Variants in EIF4E1B observed in about 807,000 individuals in gnomAD.
The protein encoded by EIF4E1B is eukaryotic translation initiation factor 4E type 1B.
In EIF4E1B, 22 loss-of-function variants were observed where a neutral mutation model predicts 31.3. The observed-to-expected ratio is 0.70, with a 90% CI of 0.50 to 1.00. EIF4E1B has a LOEUF of 1.00. Among genes scored for constraint, EIF4E1B ranks in the 50% least tolerant of loss-of-function variants. The pLI is 0.00. For synonymous variants in EIF4E1B, 126 were observed against 120.2 expected (o/e 1.05, Z -0.31); for missense variants, 290 against 311.6 (o/e 0.93, Z 0.52).
intron 4 of EIF4E1B, 145 bp downstream of exon 4, chr5:176,643,411 G>C (rs972111239): frequency 1.8e-6 from 2 of 1,135,546 alleles, no homozygotes; most frequent in African/African-American, 1.6e-5. Flanking sequence ...CTTGGGCCCT[G>C]TTGGCCCTTC....
chr5:176,642,526 G>A (rs1760596168), intron 2 of EIF4E1B, among the ~76,000 whole-genome samples, 184 bp from the exon 3 acceptor site: 3 of 152,176 alleles, frequency 2.0e-5, no homozygotes. Flanking sequence ...TGCTTCCAGA[G>A]ACCAGATGAA....
chr5:176,643,780 T>C lies in EIF4E1B; in HGVS notation c.296+46T>C, dbSNP rs1429489761. On this transcript the variant is annotated intron_variant, in intron 5 of 8. Coordinates refer to ENST00000318682, the MANE Select transcript of EIF4E1B (RefSeq NM_001099408.2). Reference sequence around the variant, plus strand: ...GGGCTAGAGTTGGGGGGCTCTGAGCTCTGGGCTCCCTCTCTCCGGGTTGAG... The same window carrying C: ...GGGCTAGAGTTGGGGGGCTCTGAGCCCTGGGCTCCCTCTCTCCGGGTTGAG... The C allele has an allele frequency of 1.9e-6, 3 of 1,572,242 alleles. No homozygotes were observed. The South Asian group carries it at 3.5e-5, about 18-fold the overall frequency.
intron 1 of EIF4E1B, among the ~76,000 whole-genome samples, chr5:176,633,255 G>A (rs1760438182): frequency 6.6e-6 from 1 of 151,746 alleles, no homozygotes; most frequent in Admixed American, 6.6e-5. Context: ...TAAGAGATAA[G>A]GTTTCACTGT....
In EIF4E1B at chr5:176,644,131, G is replaced by A. The variant is rs924992461; in HGVS notation, c.297-245G>A. The A allele has an allele frequency of 2.6e-5, 15 of 572,964 alleles. No individual in the cohort carries two copies. In the East Asian group the frequency reaches 2.9e-4, roughly 11 times the overall value. The allele number at this position is 572,964 out of a possible 1,614,324, so 35.5% of individuals were successfully genotyped here. ...TGAGAAGGCCTCGGCTGTAGCTGGA[G>A]GGGGGAGCACCAGGGGGTCTAAAAC... On this transcript the variant is annotated intron_variant, in intron 5 of 8. Transcript: ENST00000318682.
intron 5 of EIF4E1B, 95 bp downstream of exon 5, chr5:176,643,829 G>C: frequency 7.6e-7 from 1 of 1,319,436 alleles, no homozygotes; most frequent in South Asian, 1.3e-5. Flanking sequence ...GGGCCTTTCA[G>C]CCTTTGTGAG....
At chr5:176,641,725 G>A (rs1760582573) in intron 1 of EIF4E1B, 1 of 152,554 alleles carries the variant, frequency 6.6e-6, no homozygotes, top group African/African-American at 2.4e-5. Flanking sequence ...AGCCCCCCAA[G>A]TGTGGGGGAG....
chr5:176,642,848 C>CA, intron 3 of EIF4E1B, 46 bp downstream of exon 3: 2 of 1,345,602 alleles, frequency 1.5e-6, no homozygotes, highest in Non-Finnish European at 9.7e-7. Context: ...TGGCCCCGCC[C>CA]TCTCCCCCCC....
At position 176,646,639 on chromosome 5, in the gene EIF4E1B, A is replaced by T. The variant is rs573338893; in HGVS notation, c.*659A>T. On this transcript the variant is annotated 3_prime_UTR_variant, in exon 9 of 9. Transcript: ENST00000318682. ...TTCCTGTTTTAAATAAATACTTCTG[A>T]ACAAAGTTGGAATTATTTTTAAGAG... 6.6e-6 allele frequency: 1 copy of T among 152,416 alleles called. No homozygotes were observed. The highest frequency in any genetic ancestry group is 2.4e-5 in the African/African-American group (1 of 41,590). 9.4% of individuals were successfully genotyped at this position (152,416 alleles called of 1,614,324 possible).
At position 176,645,856 on chromosome 5, in the gene EIF4E1B, G is replaced by C; in HGVS notation, c.615-10G>C. The C allele has an allele frequency of 6.4e-7, 1 of 1,567,906 alleles. No homozygotes were observed. Among genetic ancestry groups the C allele is most frequent in the Non-Finnish European group, 8.6e-7 (1 of 1,156,262 alleles). On this transcript the variant is annotated splice_polypyrimidine_tract_variant and intron_variant, in intron 8 of 8. Coordinates refer to ENST00000318682, the MANE Select transcript of EIF4E1B (RefSeq NM_001099408.2). This position sits in a 1 kb window ranked among gnomAD's most constrained non-coding sequence, Gnocchi z 5.4. ...GTGTCTCTTTTCCTCTGTGTCCCCCGCACCTGCAGGCGTGTATACAAAGAG... is the reference window on the plus strand; with the variant it reads ...GTGTCTCTTTTCCTCTGTGTCCCCCCCACCTGCAGGCGTGTATACAAAGAG...
chr5:176,635,011 A>T (rs1657610609), intron 1 of EIF4E1B, among the ~76,000 whole-genome samples: 1 of 152,056 alleles, frequency 6.6e-6, no homozygotes, highest in South Asian at 2.1e-4. Flanking sequence ...GCCAAGTGAG[A>T]TCAGTGCCCC....
intron 1 of EIF4E1B, among the ~76,000 whole-genome samples, chr5:176,634,340 G>A (rs896081132): frequency 2.6e-5 from 4 of 152,120 alleles, no homozygotes; most frequent in African/African-American, 7.2e-5. Flanking sequence ...AGGTTGGGGC[G>A]GGAAAAGGGT....
intron 1 of EIF4E1B, among the ~76,000 whole-genome samples, chr5:176,632,619 G>A (rs995889430): frequency 6.6e-6 from 1 of 152,238 alleles, no homozygotes; most frequent in African/African-American, 2.4e-5. Context: ...ACGGGACTGA[G>A]AGGGTTCAGG....
intron 1 of EIF4E1B, among the ~76,000 whole-genome samples, chr5:176,631,801 C>G (rs1484495689): frequency 6.6e-6 from 1 of 152,196 alleles, no homozygotes; most frequent in African/African-American, 2.4e-5. Flanking sequence ...CAACAGCTCC[C>G]CTTCCAGGAA....
At chr5:176,633,902 G>A (rs773883286) in intron 1 of EIF4E1B, among the ~76,000 whole-genome samples, 13 of 152,180 alleles carry the variant, frequency 8.5e-5, no homozygotes, top group Non-Finnish European at 1.6e-4. Flanking sequence ...AAGGCTGGCT[G>A]TAGAAAGATC....
chr5:176,642,861 C>CT (rs1554151075), intron 3 of EIF4E1B, 59 bp downstream of exon 3: 168,580 of 939,956 alleles, frequency 0.18, 1,528 homozygotes, highest in Admixed American at 0.21. Flanking sequence ...TCCCCCCCCC[C>CT]CCCCGCCCCA....
At position 176,645,507 on chromosome 5, in the gene EIF4E1B, T is replaced by C. The variant is rs1760679717; in HGVS notation, c.605T>C (p.Leu202Pro). Residue 202 changes from leucine (L) to proline (P), a missense_variant, in exon 8 of 9, where the codon CTG becomes CCG. Leu to Pro is a moderately conservative substitution (Grantham distance 98, BLOSUM62 -3). Coordinates refer to ENST00000318682, the MANE Select transcript of EIF4E1B (RefSeq NM_001099408.2). The surrounding 1 kb of genome is among the most constrained non-coding windows in gnomAD (Gnocchi z 5.4). Reference protein sequence around the residue: ...TREAENQAGVLHVGRVYKERL... With the variant: ...TREAENQAGVPHVGRVYKERL... ...GAGGCGGAAAACCAGGCGGGCGTGC[T>C]GCACGTTGGGTGAGGAGGGTCTCTG... 2 of 1,517,184 alleles carry C rather than the reference T, an allele frequency of 1.3e-6. No individual in the cohort carries two copies. Among genetic ancestry groups the C allele is most frequent in the African/African-American group, 2.8e-5 (2 of 71,670 alleles). 94.0% of individuals were successfully genotyped at this position (1,517,184 alleles called of 1,614,324 possible).
intron 3 of EIF4E1B, 63 bp from the exon 4 acceptor site, chr5:176,643,019 G>T: frequency 6.5e-7 from 1 of 1,545,546 alleles, no homozygotes; most frequent in South Asian, 1.2e-5. Flanking sequence ...GATGGGCAGG[G>T]TGGGCACAGG....
Position 176,645,337 on chromosome 5 carries a change from T to A in EIF4E1B, c.475-40T>A. ...CAAGGATGGCAGGCCAGTCCCTATGTCCCAGCCGGTGATCTCACAACCCCC... is the reference window on the plus strand; with the variant it reads ...CAAGGATGGCAGGCCAGTCCCTATGACCCAGCCGGTGATCTCACAACCCCC... On this transcript the variant is annotated intron_variant, in intron 7 of 8. Transcript: ENST00000318682. The surrounding 1 kb of genome is among the most constrained non-coding windows in gnomAD (Gnocchi z 5.4). 1 of 1,547,818 alleles carries A rather than the reference T, an allele frequency of 6.5e-7. No homozygotes were observed. Among genetic ancestry groups the A allele is most frequent in the Non-Finnish European group, 8.7e-7 (1 of 1,143,570 alleles).
In EIF4E1B at chr5:176,643,161, G is replaced by C; in HGVS notation, c.95G>C (p.Gly32Ala). ...EEEAAERTPT[G>A]EKSPNSPRTL... ...GAGGCAGCAGAGAGGACGCCCACAG[G>C]AGAAAAGTCTCCAAACTCTCCCAGG... Residue 32 changes from glycine to alanine, a missense_variant, in exon 4 of 9, where the codon GGA (glycine) becomes GCA (alanine). Gly to Ala is a moderately conservative substitution (Grantham distance 60). Coordinates refer to ENST00000318682, the MANE Select transcript of EIF4E1B (RefSeq NM_001099408.2). The C allele has an allele frequency of 6.2e-7, 1 of 1,613,854 alleles. No individual in the cohort carries two copies. The highest frequency in any genetic ancestry group is 8.5e-7 in the Non-Finnish European group (1 of 1,179,878).
Sources: allele counts gnomAD v4.1 joint callset (sites outside exome capture counted in the v4.1 genomes callset), GRCh38; gene constraint gnomAD v4.1.1; non-coding constraint Gnocchi (gnomAD v3.1); transcripts MANE v1.5; gene names NCBI Gene and HGNC (gene_info 2026-07-23, HGNC 2026-07-21).